SCLT1: variants seen among roughly 807,000 people sequenced by gnomAD.
The protein encoded by SCLT1 is sodium channel and clathrin linker 1.
Under a neutral mutation model 112.8 loss-of-function variants are expected in SCLT1, and 78 were observed. The observed-to-expected ratio is 0.69, with a 90% CI of 0.58 to 0.83. The LOEUF is 0.83. Ranked by LOEUF, SCLT1 falls within the 40% of genes least tolerant of loss-of-function variation. SCLT1 has a pLI of 0.00. For missense variants in SCLT1, 747 were observed against 770.4 expected (o/e 0.97, Z 0.36); for synonymous variants, 257 against 254.7 (o/e 1.01, Z -0.09).
At chr4:128,937,200 C>T (rs192540973) in intron 17 of SCLT1, among the ~76,000 whole-genome samples, 2 of 151,538 alleles carry the variant, frequency 1.3e-5, no homozygotes, top group African/African-American at 4.8e-5. Context: ...ATCGCTTGAA[C>T]CCAGGAGGTG....
chr4:128,895,534 T>C (rs1045627472), intron 18 of SCLT1, among the ~76,000 whole-genome samples: 13 of 152,170 alleles, frequency 8.5e-5, no homozygotes, highest in Non-Finnish European at 1.6e-4. Flanking sequence ...GCCCATTCTT[T>C]AAGACTGCAC....
chr4:129,052,294 G>A (rs2125713464), intron 2 of SCLT1, among the ~76,000 whole-genome samples: 1 of 152,264 alleles, frequency 6.6e-6, no homozygotes, highest in East Asian at 1.9e-4. Flanking sequence ...GCTTCAGAAG[G>A]AATTGTACCA....
intron 2 of SCLT1, among the ~76,000 whole-genome samples, chr4:129,048,047 A>T (rs899570792): frequency 1.4e-4 from 22 of 152,096 alleles, no homozygotes; most frequent in African/African-American, 5.1e-4. Flanking sequence ...TCTTCTCCAT[A>T]AAACCTTTAC....
At chr4:128,929,803 G>C (rs1736610591) in intron 18 of SCLT1, among the ~76,000 whole-genome samples, 1 of 152,192 alleles carries the variant, frequency 6.6e-6, no homozygotes. Context: ...GGGAAAAACA[G>C]AAGTTGACTT....
intron 19 of SCLT1, among the ~76,000 whole-genome samples, chr4:128,889,917 T>C (rs1579288667): frequency 1.3e-5 from 2 of 152,322 alleles, no homozygotes; most frequent in Admixed American, 6.5e-5. Flanking sequence ...ATGAATGTTA[T>C]GGCTATTACA....
intron 18 of SCLT1, among the ~76,000 whole-genome samples, chr4:128,911,514 C>G (rs1156831067): frequency 6.6e-6 from 1 of 152,094 alleles, no homozygotes; most frequent in East Asian, 1.9e-4. Flanking sequence ...AGATACCATA[C>G]AGAAACTCAA....
At chr4:128,892,969 G>GA (rs918317448) in intron 18 of SCLT1, among the ~76,000 whole-genome samples, 8 of 151,312 alleles carry the variant, frequency 5.3e-5, no homozygotes, top group Non-Finnish European at 8.8e-5. Context: ...GACAACATAA[G>GA]AAAAAAAACA....
chr4:128,991,384 G>A (rs572117805), intron 9 of SCLT1, among the ~76,000 whole-genome samples: 1 of 151,884 alleles, frequency 6.6e-6, no homozygotes, highest in East Asian at 1.9e-4. Flanking sequence ...AGAAGAAAAT[G>A]TTGGGGAAAC....
At chr4:128,877,553 C>T (rs531066776) in intron 3 of SCLT1, among the ~76,000 whole-genome samples, 26 of 152,162 alleles carry the variant, frequency 1.7e-4, no homozygotes, top group African/African-American at 4.8e-4. Context: ...TGGTGGCACA[C>T]GCCTGTAATC....
intron 2 of SCLT1, among the ~76,000 whole-genome samples, chr4:129,051,914 T>C (rs2125712888): frequency 6.6e-6 from 1 of 152,284 alleles, no homozygotes; most frequent in East Asian, 1.9e-4. Context: ...ATACCTAGCT[T>C]ATTGAGAGTT....
rs539577333 is a variant in SCLT1, at chr4:128,964,198, T to C, written c.869+1029A>G. On this transcript the variant is annotated intron_variant, in intron 11 of 20. Coordinates refer to ENST00000281142, the MANE Select transcript of SCLT1 (RefSeq NM_144643.4). Reference sequence around the variant, plus strand: ...TTGGCATTTGAAATGTGTAGGGACATTTGGTAGTTACAATGCTAAGAGATG... The same window carrying C: ...TTGGCATTTGAAATGTGTAGGGACACTTGGTAGTTACAATGCTAAGAGATG... 6.6e-5 allele frequency among the ~76,000 whole-genome samples: 10 copies of C among 152,164 alleles called. No homozygotes were observed. In the East Asian group the frequency reaches 1.9e-3, roughly 29 times the overall value.
chr4:128,957,139 C>T lies in SCLT1; in HGVS notation c.1048-15G>A, dbSNP rs759583090. On this transcript the variant is annotated splice_polypyrimidine_tract_variant and intron_variant, in intron 12 of 20. Coordinates refer to ENST00000281142, the MANE Select transcript of SCLT1 (RefSeq NM_144643.4). Reference sequence around the variant, plus strand: ...TCAAGTAGAGCCTTCAGAAAATAATCATTTCATGTTATAGATAACATTATT... The same window carrying T: ...TCAAGTAGAGCCTTCAGAAAATAATTATTTCATGTTATAGATAACATTATT... 5.7e-6 allele frequency: 8 copies of T among 1,411,594 alleles called. No homozygotes were observed. The highest frequency in any genetic ancestry group is 7.9e-6 in the Non-Finnish European group (8 of 1,013,510). The allele number at this position is 1,411,594 out of a possible 1,614,324, so 87.4% of individuals were successfully genotyped here. A position where few individuals can be genotyped will look rare whatever the true frequency, so the allele number is the denominator to read the frequency against.
intron 2 of SCLT1, among the ~76,000 whole-genome samples, chr4:129,076,538 T>C (rs1206559441): frequency 1.3e-5 from 2 of 152,102 alleles, no homozygotes; most frequent in East Asian, 3.9e-4. Context: ...AAAATAAACT[T>C]ATTTTTAGTA....
chr4:129,031,457 G>T (rs981842512), intron 5 of SCLT1, among the ~76,000 whole-genome samples: 4 of 152,032 alleles, frequency 2.6e-5, no homozygotes, highest in Non-Finnish European at 5.9e-5. Flanking sequence ...GGAAGCTCTG[G>T]CCAGGGCAAT....
intron 11 of SCLT1, among the ~76,000 whole-genome samples, chr4:128,960,828 G>A (rs572343097): frequency 1.0e-4 from 15 of 147,784 alleles, no homozygotes; most frequent in African/African-American, 3.8e-4. Flanking sequence ...GCTGAGGCAG[G>A]AGAATGGCGT....
chr4:128,917,247 T>C (rs1435777692), intron 18 of SCLT1, among the ~76,000 whole-genome samples: 1 of 152,156 alleles, frequency 6.6e-6, no homozygotes, highest in Non-Finnish European at 1.5e-5. Flanking sequence ...CATAACAAAC[T>C]GTAAAACTCT....
intron 2 of SCLT1, among the ~76,000 whole-genome samples, chr4:129,056,159 T>G (rs903882490): frequency 1.3e-4 from 20 of 151,978 alleles, no homozygotes; most frequent in African/African-American, 4.8e-4. Context: ...TTACCTCAGT[T>G]GGAAATGCAG....
At chr4:128,916,222 C>T (rs1373765728) in intron 18 of SCLT1, among the ~76,000 whole-genome samples, 1 of 152,160 alleles carries the variant, frequency 6.6e-6, no homozygotes, top group Non-Finnish European at 1.5e-5. Context: ...TGAATCAGAG[C>T]AGATTTGGGT....
intron 18 of SCLT1, among the ~76,000 whole-genome samples, chr4:128,919,853 A>G (rs1735747892): frequency 6.6e-6 from 1 of 152,186 alleles, no homozygotes; most frequent in Admixed American, 6.5e-5. Flanking sequence ...AACTAGGAAG[A>G]AATTCAATCC....
Sources: allele counts gnomAD v4.1 joint callset (sites outside exome capture counted in the v4.1 genomes callset), GRCh38; gene constraint gnomAD v4.1.1; transcripts MANE v1.5; gene names NCBI Gene and HGNC (gene_info 2026-07-23, HGNC 2026-07-21).